LDLRAD4: variants seen among roughly 807,000 people sequenced by gnomAD.
LDLRAD4 encodes low-density lipoprotein receptor class A domain-containing protein 4.
Under a neutral mutation model 17.0 loss-of-function variants are expected in LDLRAD4, and 5 were observed. That is an observed-to-expected ratio of 0.29 (90% CI 0.15 to 0.62). LDLRAD4 has a LOEUF of 0.62. Among genes scored for constraint, LDLRAD4 ranks in the 20% least tolerant of loss-of-function variants. The pLI is 0.84. For missense variants in LDLRAD4, 340 were observed against 424.7 expected (o/e 0.80, Z 1.75); for synonymous variants, 168 against 171.8 (o/e 0.98, Z 0.17).
upstream of LDLRAD4, among the ~76,000 whole-genome samples, chr18:13,276,924 G>A (rs1481789747): frequency 6.6e-6 from 1 of 152,164 alleles, no homozygotes; most frequent in African/African-American, 2.4e-5. Context: ...CAAGAAATCT[G>A]AGCGTTTGCG....
At chr18:13,550,182 G>A (rs1194007134) in intron 3 of LDLRAD4, among the ~76,000 whole-genome samples, 6 of 152,132 alleles carry the variant, frequency 3.9e-5, no homozygotes, top group Admixed American at 3.9e-4. Flanking sequence ...GTTCTATCAT[G>A]GAAAAGGGTT....
intron 3 of LDLRAD4, among the ~76,000 whole-genome samples, chr18:13,580,001 T>C (rs1015353993): frequency 2.0e-5 from 3 of 152,202 alleles, no homozygotes; most frequent in Non-Finnish European, 4.4e-5. Flanking sequence ...TTCCTTCCTC[T>C]AGTTCACTGC....
At chr18:13,236,941 A>G (rs1003442859) in intron 1 of LDLRAD4, among the ~76,000 whole-genome samples, 10 of 152,196 alleles carry the variant, frequency 6.6e-5, no homozygotes, top group African/African-American at 2.4e-4. Flanking sequence ...GGATTGTAAC[A>G]TTCCATAAGG....
rs145898618 is a variant in LDLRAD4 at position 13,416,134 on chromosome 18, G to A, written c.41-22110G>A. 1.9e-3 allele frequency among the ~76,000 whole-genome samples: 297 copies of A among 152,308 alleles called. 1 individual carries two copies. Among genetic ancestry groups the A allele is most frequent in the African/African-American group, 6.6e-3 (276 of 41,580 alleles). ...TCTGCTGAGTCCAGCTCTGCCACAC[G>A]TGGGCTATTCTGAGCTATGGCGAGT... On this transcript the variant is annotated intron_variant, in intron 2 of 5. Coordinates refer to ENST00000359446, the Ensembl canonical transcript of LDLRAD4.
intron 3 of LDLRAD4, among the ~76,000 whole-genome samples, chr18:13,451,284 C>T (rs958878850): frequency 3.9e-5 from 6 of 152,088 alleles, no homozygotes; most frequent in African/African-American, 4.8e-5. Flanking sequence ...TGGGGCCAGG[C>T]GGGAGGTGTT....
At chr18:13,447,223 C>G (rs995089126) in intron 3 of LDLRAD4, among the ~76,000 whole-genome samples, 13 of 143,894 alleles carry the variant, frequency 9.0e-5, no homozygotes, top group African/African-American at 3.4e-4. Context: ...ATGTGGAGGG[C>G]AATATGCCTC....
In LDLRAD4 at chr18:13,621,348, G is replaced by T; in HGVS notation, c.336+77G>T. ...AGGAGCCCATCAGGGTTCAGAGGCCGGGAGTGCTTTCAGTTGACATGTAAC... is the reference window on the plus strand; with the variant it reads ...AGGAGCCCATCAGGGTTCAGAGGCCTGGAGTGCTTTCAGTTGACATGTAAC... On this transcript the variant is annotated intron_variant, in intron 4 of 5. Transcript: ENST00000359446. The surrounding 1 kb of genome is among the most constrained non-coding windows in gnomAD (Gnocchi z 5.5). 8.5e-7 allele frequency: 1 copy of T among 1,176,110 alleles called. No homozygotes were observed. Among genetic ancestry groups the T allele is most frequent in the Non-Finnish European group, 1.2e-6 (1 of 803,318 alleles). The allele number at this position is 1,176,110 out of a possible 1,614,324, so 72.9% of individuals were successfully genotyped here.
At chr18:13,493,981 C>T (rs954932382) in intron 3 of LDLRAD4, among the ~76,000 whole-genome samples, 1 of 152,222 alleles carries the variant, frequency 6.6e-6, no homozygotes, top group African/African-American at 2.4e-5. Context: ...GGCATGGTGA[C>T]GCGGTGCCGC....
chr18:13,594,524 G>A (rs1301406142), intron 3 of LDLRAD4, among the ~76,000 whole-genome samples: 1 of 151,672 alleles, frequency 6.6e-6, no homozygotes, highest in Non-Finnish European at 1.5e-5. Flanking sequence ...AAATTAGCAG[G>A]GCATGGAGGT....
rs537580829 is a variant in LDLRAD4, at chr18:13,545,272, C to T, written c.182-75845C>T. On this transcript the variant is annotated intron_variant, in intron 3 of 5. Transcript: ENST00000359446. Reference sequence around the variant, plus strand: ...CCTCTTTGACCACATCATTGAGCTGCGCACGTTCAGGGCAGACGCCTGGAA... The same window carrying T: ...CCTCTTTGACCACATCATTGAGCTGTGCACGTTCAGGGCAGACGCCTGGAA... Among the ~76,000 whole-genome samples, 227 of 152,280 alleles carry T rather than the reference C, an allele frequency of 1.5e-3. 1 individual carries two copies. Among genetic ancestry groups the T allele is most frequent in the Non-Finnish European group, 2.6e-3 (175 of 68,026 alleles).
intron 1 of LDLRAD4, among the ~76,000 whole-genome samples, chr18:13,303,353 T>A (rs1416173380): frequency 6.6e-6 from 1 of 152,202 alleles, no homozygotes; most frequent in East Asian, 1.9e-4. Flanking sequence ...TCCAGCAATC[T>A]TTCCTCCTCA....
At chr18:13,372,894 G>A (rs2084622739) in intron 1 of LDLRAD4, among the ~76,000 whole-genome samples, 1 of 152,234 alleles carries the variant, frequency 6.6e-6, no homozygotes, top group Non-Finnish European at 1.5e-5. Context: ...GGCATGGCCT[G>A]TGCAGAACCG....
intron 1 of LDLRAD4, among the ~76,000 whole-genome samples, chr18:13,376,168 A>G (rs1224708440): frequency 6.6e-6 from 1 of 152,160 alleles, no homozygotes; most frequent in Non-Finnish European, 1.5e-5. Flanking sequence ...CTGTGCGGGC[A>G]CTGGCCTCTG....
chr18:13,584,320 A>T (rs1489669479), intron 3 of LDLRAD4, among the ~76,000 whole-genome samples: 3 of 152,156 alleles, frequency 2.0e-5, no homozygotes, highest in South Asian at 4.1e-4. Flanking sequence ...GACTCAGATG[A>T]GTGGCCACCT....
intron 1 of LDLRAD4, among the ~76,000 whole-genome samples, chr18:13,382,350 C>G (rs2085433220): frequency 6.6e-6 from 1 of 152,108 alleles, no homozygotes. Flanking sequence ...CTGAGGAGGA[C>G]TGCGTTTCAT....
At chr18:13,505,949 G>T (rs569390414) in intron 3 of LDLRAD4, among the ~76,000 whole-genome samples, 1 of 152,166 alleles carries the variant, frequency 6.6e-6, no homozygotes, top group Non-Finnish European at 1.5e-5. Context: ...CCGCAGTGTG[G>T]GGTGAGCAGA....
chr18:13,230,708 C>T (rs1414649847), intron 1 of LDLRAD4, among the ~76,000 whole-genome samples: 1 of 152,240 alleles, frequency 6.6e-6, no homozygotes, highest in Admixed American at 6.5e-5. Flanking sequence ...TGGGTAGATG[C>T]TACTGCTTAC....
chr18:13,243,111 GA>G (rs1174603747), intron 1 of LDLRAD4, among the ~76,000 whole-genome samples: 4 of 152,380 alleles, frequency 2.6e-5, no homozygotes, highest in African/African-American at 9.6e-5. Context: ...GACTCCAGCT[GA>G]TCTTAGTTTT....
rs936859890 is a variant in LDLRAD4, at chr18:13,305,196, G to A, written c.-383+27008G>A. Among the ~76,000 whole-genome samples the A allele has an allele frequency of 7.9e-5, 12 of 151,988 alleles. No individual in the cohort carries two copies. In the East Asian group the frequency reaches 1.4e-3, roughly 17 times the overall value. The stretch of plus-strand genomic sequence containing the variant: ...ATTTTTATTACTGTAAAATATATGC[G>A]TACCTGTTATAAAAAGTTAAATCTT... On this transcript the variant is annotated intron_variant, in intron 1 of 5. Coordinates refer to ENST00000359446, the Ensembl canonical transcript of LDLRAD4.
Sources: allele counts gnomAD v4.1 joint callset (sites outside exome capture counted in the v4.1 genomes callset), GRCh38; gene constraint gnomAD v4.1.1; non-coding constraint Gnocchi (gnomAD v3.1); transcripts MANE v1.5; gene names NCBI Gene and HGNC (gene_info 2026-07-23, HGNC 2026-07-21).